Variants in SGCZ observed in about 807,000 individuals in gnomAD.
The protein encoded by SGCZ is zeta-sarcoglycan.
SGCZ carries 40 observed loss-of-function variants against 41.3 expected under a neutral mutation model. The observed-to-expected ratio is 0.97, with a 90% CI of 0.75 to 1.26. SGCZ has a LOEUF of 1.26. Among genes scored for constraint, SGCZ ranks in the 50% most tolerant of loss-of-function variants. The pLI is 0.00. For missense variants in SGCZ, 552 were observed against 369.8 expected (o/e 1.49, Z -4.04); for synonymous variants, 206 against 137.5 (o/e 1.50, Z -3.49).
In SGCZ at chr8:15,065,424, T is replaced by A. The variant is rs570019109; in HGVS notation, c.39+172161A>T. The stretch of plus-strand genomic sequence containing the variant: ...TATCACATGGTATTGTAATTATTAT[T>A]ATTATTATTATTATTATTATTATTA... On this transcript the variant is annotated intron_variant, in intron 1 of 7. Transcript: ENST00000382080. Among the ~76,000 whole-genome samples, 132 of 98,526 alleles carry A rather than the reference T, an allele frequency of 1.3e-3. 1 individual carries two copies. The highest frequency in any genetic ancestry group is 5.4e-3 in the African/African-American group (119 of 21,886). The allele number at this position is 98,526 out of a possible 152,430, so 64.6% of individuals were successfully genotyped here. A position where few individuals can be genotyped will look rare whatever the true frequency, so the allele number is the denominator to read the frequency against.
chr8:14,331,377 G>T (rs1378969433), intron 2 of SGCZ, among the ~76,000 whole-genome samples: 1 of 152,010 alleles, frequency 6.6e-6, no homozygotes, highest in East Asian at 1.9e-4. Flanking sequence ...GGTTTATGCT[G>T]TGTTTTTTAA....
intron 2 of SGCZ, among the ~76,000 whole-genome samples, chr8:14,478,585 A>G (rs541373430): frequency 2.0e-5 from 3 of 152,172 alleles, no homozygotes; most frequent in Non-Finnish European, 4.4e-5. Flanking sequence ...GTGAAACGCT[A>G]CTGTAAAAGA....
At chr8:14,787,143 C>A (rs975216084) in intron 1 of SGCZ, among the ~76,000 whole-genome samples, 7 of 152,064 alleles carry the variant, frequency 4.6e-5, no homozygotes, top group African/African-American at 1.7e-4. Context: ...CAGAAAGATC[C>A]CCATGTGCAG....
At chr8:14,217,418 A>T (rs34103514) in intron 4 of SGCZ, among the ~76,000 whole-genome samples, 36,028 of 151,644 alleles carry the variant, frequency 0.24, 5,510 homozygotes, top group Non-Finnish European at 0.34. Context: ...CTCCTGGCAT[A>T]GATATTGTAT....
chr8:15,049,348 T>G (rs1425032350), intron 1 of SGCZ, among the ~76,000 whole-genome samples: 1 of 152,038 alleles, frequency 6.6e-6, no homozygotes, highest in Non-Finnish European at 1.5e-5. Flanking sequence ...ATTGCTAGCA[T>G]GGCTAGAAGA....
intron 1 of SGCZ, among the ~76,000 whole-genome samples, chr8:14,815,476 C>T (rs1013186083): frequency 6.6e-6 from 1 of 151,470 alleles, no homozygotes. Context: ...AAAAACAGGA[C>T]CTTTGTGATG....
At chr8:14,469,581 G>C (rs1330634050) in intron 2 of SGCZ, among the ~76,000 whole-genome samples, 1 of 151,920 alleles carries the variant, frequency 6.6e-6, no homozygotes, top group African/African-American at 2.4e-5. Context: ...GTGTCTCTTT[G>C]TACGCTACTG....
At chr8:14,340,376 T>C (rs543507439) in intron 2 of SGCZ, among the ~76,000 whole-genome samples, 1 of 152,282 alleles carries the variant, frequency 6.6e-6, no homozygotes, top group African/African-American at 2.4e-5. Flanking sequence ...TTACAAGCAT[T>C]CCCTTAATGT....
intron 1 of SGCZ, among the ~76,000 whole-genome samples, chr8:14,716,849 G>C (rs992104089): frequency 1.3e-5 from 2 of 152,074 alleles, no homozygotes; most frequent in East Asian, 1.9e-4. Flanking sequence ...TATATTTATA[G>C]CCCATGCTAT....
chr8:14,826,190 T>G (rs1436059652), intron 1 of SGCZ, among the ~76,000 whole-genome samples: 5 of 151,582 alleles, frequency 3.3e-5, no homozygotes, highest in Non-Finnish European at 4.4e-5. Flanking sequence ...AGTGTTTGGT[T>G]TTTTGTCCTT....
intron 1 of SGCZ, among the ~76,000 whole-genome samples, chr8:15,082,325 C>A (rs1805783745): frequency 6.6e-6 from 1 of 152,076 alleles, no homozygotes; most frequent in Non-Finnish European, 1.5e-5. Context: ...ATCCTTCCCT[C>A]AGGCAGCATG....
intron 1 of SGCZ, among the ~76,000 whole-genome samples, chr8:14,854,893 G>C (rs1803488148): frequency 2.6e-5 from 4 of 151,320 alleles, no homozygotes. Context: ...ACTATTCACA[G>C]AGATATGTCA....
At chr8:14,597,826 G>A (rs1050113595) in intron 1 of SGCZ, among the ~76,000 whole-genome samples, 1 of 151,974 alleles carries the variant, frequency 6.6e-6, no homozygotes, top group African/African-American at 2.4e-5. Flanking sequence ...TCAACCATGA[G>A]CACCACAATG....
At chr8:14,335,453 T>C (rs1029293995) in intron 2 of SGCZ, among the ~76,000 whole-genome samples, 4 of 152,150 alleles carry the variant, frequency 2.6e-5, no homozygotes, top group Non-Finnish European at 2.9e-5. Flanking sequence ...TCATTACAGA[T>C]GCTGGTAATC....
chr8:14,495,622 A>G (rs1374446908), intron 2 of SGCZ, among the ~76,000 whole-genome samples: 1 of 152,144 alleles, frequency 6.6e-6, no homozygotes, highest in East Asian at 1.9e-4. Context: ...CTTCATTACA[A>G]GCACAAGATA....
In SGCZ at chr8:14,630,384, G is replaced by C. The variant is rs28452770; in HGVS notation, c.40-75458C>G. Among the ~76,000 whole-genome samples, 484 of 152,132 alleles carry C rather than the reference G, an allele frequency of 3.2e-3. 3 individuals carry two copies. The highest frequency in any genetic ancestry group is 6.9e-3 in the African/African-American group (286 of 41,510). On this transcript the variant is annotated intron_variant, in intron 1 of 7. Coordinates refer to ENST00000382080, the MANE Select transcript of SGCZ (RefSeq NM_139167.4). ...GGCTCTCAGGATTGGCTGCGATGGA[G>C]AGGATGTGGAGAAATAGGAAGATTT...
intron 1 of SGCZ, among the ~76,000 whole-genome samples, chr8:14,720,912 GTTT>G (rs3069629): frequency 1.3e-5 from 2 of 151,218 alleles, no homozygotes; most frequent in African/African-American, 2.4e-5. Context: ...CATGGAAACT[GTTT>G]TTTTTTTAAT....
At chr8:14,564,205 G>A (rs531116638) in intron 1 of SGCZ, among the ~76,000 whole-genome samples, 28 of 152,282 alleles carry the variant, frequency 1.8e-4, no homozygotes, top group African/African-American at 5.3e-4. Context: ...ACATCCTTGT[G>A]ACCATGCAAA....
chr8:14,258,189 T>C (rs1018274760), intron 3 of SGCZ, among the ~76,000 whole-genome samples: 1 of 152,144 alleles, frequency 6.6e-6, no homozygotes, highest in African/African-American at 2.4e-5. Flanking sequence ...CAGTTTTATA[T>C]CTAAATATAA....
Sources: allele counts gnomAD v4.1 joint callset (sites outside exome capture counted in the v4.1 genomes callset), GRCh38; gene constraint gnomAD v4.1.1; transcripts MANE v1.5; gene names NCBI Gene and HGNC (gene_info 2026-07-23, HGNC 2026-07-21).